Variants in ZNF431 observed in about 807,000 individuals in gnomAD.
ZNF431 encodes zinc finger protein 431.
ZNF431 carries 34 observed loss-of-function variants against 57.0 expected under a neutral mutation model. That is an observed-to-expected ratio of 0.60 (90% CI 0.45 to 0.79). The LOEUF (loss-of-function observed/expected upper bound fraction) is 0.79, where lower values mean the gene tolerates loss of function less well. ZNF431 is among the 30% of genes least tolerant of loss of function. The pLI is 0.00. For synonymous variants in ZNF431, 207 were observed against 220.3 expected, an observed-to-expected ratio of 0.94 and a Z score of 0.54; for missense variants, 607 against 667.1, an observed-to-expected ratio of 0.91 and a Z score of 0.99.
intron 2 of ZNF431, among the ~76,000 whole-genome samples, chr19:21,153,863 C>G (rs1970345152): frequency 6.6e-6 from 1 of 152,026 alleles, no homozygotes; most frequent in Non-Finnish European, 1.5e-5. Flanking sequence ...ATTACAGGCG[C>G]CCACCACCAT....
At chr19:21,155,070 G>C (rs1376227051) in intron 2 of ZNF431, among the ~76,000 whole-genome samples, 2 of 152,122 alleles carry the variant, frequency 1.3e-5, no homozygotes, top group Non-Finnish European at 2.9e-5. Flanking sequence ...GTTGCTTTTG[G>C]TGTTTTAGAC....
At chr19:21,159,102 A>G (rs1289744360) in intron 2 of ZNF431, among the ~76,000 whole-genome samples, 1 of 152,078 alleles carries the variant, frequency 6.6e-6, no homozygotes, top group Admixed American at 6.6e-5. Context: ...AGTTCTGTTT[A>G]TGTGATGAAT....
intron 2 of ZNF431, among the ~76,000 whole-genome samples, chr19:21,146,069 T>G (rs1205217298): frequency 6.6e-6 from 1 of 152,082 alleles, no homozygotes; most frequent in African/African-American, 2.4e-5. Context: ...TAAGAAAATG[T>G]GCAGAGTTCT....
At chr19:21,158,169 C>T (rs1970473050) in intron 2 of ZNF431, among the ~76,000 whole-genome samples, 1 of 151,952 alleles carries the variant, frequency 6.6e-6, no homozygotes, top group African/African-American at 2.4e-5. Context: ...GTGAGCATAA[C>T]ATGTTTTTTT....
At chr19:21,150,838 C>G (rs1970251205) in intron 2 of ZNF431, among the ~76,000 whole-genome samples, 1 of 152,148 alleles carries the variant, frequency 6.6e-6, no homozygotes, top group African/African-American at 2.4e-5. Context: ...CTGATACCCC[C>G]CAAAGTCAAA....
At chr19:21,156,084 C>A (rs1970407752) in intron 2 of ZNF431, among the ~76,000 whole-genome samples, 1 of 152,184 alleles carries the variant, frequency 6.6e-6, no homozygotes, top group Non-Finnish European at 1.5e-5. Context: ...GCACTAGGCA[C>A]CACCCTCAGG....
intron 2 of ZNF431, among the ~76,000 whole-genome samples, chr19:21,151,736 C>T (rs1248090156): frequency 6.6e-6 from 1 of 152,186 alleles, no homozygotes; most frequent in African/African-American, 2.4e-5. Context: ...TAAGGTACCC[C>T]TCTTAATGAC....
intron 1 of ZNF431, 62 bp from the exon 2 acceptor site, chr19:21,143,489 C>A: frequency 7.6e-7 from 1 of 1,312,168 alleles, no homozygotes; most frequent in South Asian, 1.2e-5. Context: ...AAGATATCCA[C>A]CGTGGTTATG....
At position 21,194,711 on chromosome 19, in the gene ZNF431, C is replaced by G. The variant is rs1420366576; in HGVS notation, c.*10677C>G. On this transcript the variant is annotated 3_prime_UTR_variant, in exon 5 of 5. Coordinates refer to ENST00000311048, the MANE Select transcript of ZNF431 (RefSeq NM_133473.4). ...CTCAAACTCCCGGCGTCCCAAAGTG[C>G]TGGGATTACAGGTGCGACCCACCAT... is the stretch of plus-strand genomic sequence containing the variant. The G allele has an allele frequency of 2.6e-5, 4 of 152,178 alleles. No individual in the cohort carries two copies. Among genetic ancestry groups the G allele is most frequent in the African/African-American group, 9.7e-5 (4 of 41,446 alleles). 9.4% of individuals were successfully genotyped at this position (152,178 alleles called of 1,614,324 possible).
intron 2 of ZNF431, among the ~76,000 whole-genome samples, chr19:21,159,037 T>C (rs1034405260): frequency 2.0e-4 from 30 of 152,220 alleles, no homozygotes; most frequent in African/African-American, 5.5e-4. Context: ...GGATGTTAAA[T>C]TATATTGAAA....
At chr19:21,144,323 T>G (rs1176733197) in intron 2 of ZNF431, among the ~76,000 whole-genome samples, 2 of 151,892 alleles carry the variant, frequency 1.3e-5, no homozygotes, top group Non-Finnish European at 2.9e-5. Context: ...CTCAGCCTCC[T>G]AAGTAGCTGA....
chr19:21,163,860 G>A (rs892337955), intron 2 of ZNF431, among the ~76,000 whole-genome samples: 1 of 151,792 alleles, frequency 6.6e-6, no homozygotes. Flanking sequence ...AGCTTGAGAG[G>A]CAGTGCTTAT....
chr19:21,169,705 G>A (rs1025237759), intron 4 of ZNF431: 3 of 397,700 alleles, frequency 7.5e-6, no homozygotes, highest in Admixed American at 8.8e-5. Flanking sequence ...TCTGCAGTTG[G>A]CTCCTTATAT....
chr19:21,180,693 A>G (rs1445474943), intron 4 of ZNF431, among the ~76,000 whole-genome samples: 2 of 152,160 alleles, frequency 1.3e-5, no homozygotes, highest in African/African-American at 4.8e-5. Flanking sequence ...TCACACCTAT[A>G]TTCCCAGCAC....
Position 21,166,374 on chromosome 19 carries a change from C to A in ZNF431, c.136C>A (p.Leu46Met), listed in dbSNP as rs767654989. Reference protein sequence around the residue: ...TFRDVAIEFSLEEWECLNPAQ... With the variant: ...TFRDVAIEFSMEEWECLNPAQ... Reference sequence around the variant, plus strand: ...TAGGGATGTGGCCATAGAATTCTCTCTGGAGGAGTGGGAATGCCTGAACCC... The same window carrying A: ...TAGGGATGTGGCCATAGAATTCTCTATGGAGGAGTGGGAATGCCTGAACCC... Residue 46 changes from leucine to methionine, a missense_variant, in exon 3 of 5, where the codon CTG becomes ATG. Leu to Met is a conservative substitution (Grantham distance 15). Coordinates refer to ENST00000311048, the MANE Select transcript of ZNF431 (RefSeq NM_133473.4). The A allele has an allele frequency of 3.1e-6, 5 of 1,612,962 alleles. No individual in the cohort carries two copies. The highest frequency in any genetic ancestry group is 4.2e-6 in the Non-Finnish European group (5 of 1,179,766).
intron 4 of ZNF431, among the ~76,000 whole-genome samples, chr19:21,176,494 C>T (rs957822595): frequency 6.6e-6 from 1 of 151,874 alleles, no homozygotes; most frequent in Non-Finnish European, 1.5e-5. Context: ...CCTCCCACCT[C>T]GGCCTCCCAA....
intron 4 of ZNF431, among the ~76,000 whole-genome samples, chr19:21,172,668 TTATGCACCTGTGGA>T (rs1168604006): frequency 3.9e-5 from 6 of 152,032 alleles, no homozygotes; most frequent in African/African-American, 1.4e-4. Flanking sequence ...AGGCATAGTG[TTATGCACCTGTGGA>T]CCCCGCTATA....
In ZNF431 at chr19:21,152,100, A is replaced by G. The variant is rs73539751; in HGVS notation, c.96+8457A>G. Among the ~76,000 whole-genome samples the G allele has an allele frequency of 9.3e-3, 1,424 of 152,348 alleles. 28 individuals carry two copies. The highest frequency in any genetic ancestry group is 0.033 in the African/African-American group (1,368 of 41,574). On this transcript the variant is annotated intron_variant, in intron 2 of 4. Transcript: ENST00000311048. ...AACATAGACCTTAGCCACTCTTCTT[A>G]ACAACCAATATGAAACTGGCAAGAC... is the stretch of plus-strand genomic sequence containing the variant.
At position 21,183,974 on chromosome 19, in the gene ZNF431, A is replaced by G; in HGVS notation, c.1671A>G (p.Lys557=). The stretch of plus-strand genomic sequence containing the variant: ...TTAACCAGTCCTCAAACCTTATTAA[A>G]CAAAATAATTCATACTGGAGAGAAA... The part of the protein sequence containing the change: ...NTFNQSSNLI[K]QNNSYWRETL... The change falls in exon 5 of 5, where the codon AAA becomes AAG. Residue 557 remains lysine (K), a synonymous_variant. Coordinates refer to ENST00000311048, the MANE Select transcript of ZNF431 (RefSeq NM_133473.4). 5 of 1,595,034 alleles carry G rather than the reference A, an allele frequency of 3.1e-6. No homozygotes were observed. Among genetic ancestry groups the G allele is most frequent in the Non-Finnish European group, 3.4e-6 (4 of 1,173,464 alleles).
Sources: gnomAD v4.1 joint callset for allele counts (sites outside exome capture counted in the v4.1 genomes callset) on GRCh38, gnomAD v4.1.1 for gene constraint, MANE v1.5 for transcripts, NCBI Gene and HGNC (gene_info 2026-07-23, HGNC 2026-07-21) for gene names.